Variants in NSD3 observed in about 807,000 individuals in gnomAD.
The protein encoded by NSD3 is nuclear receptor binding SET domain protein 3.
NSD3 carries 24 observed loss-of-function variants against 160.8 expected under a neutral mutation model. The observed-to-expected ratio is 0.15, with a 90% CI of 0.11 to 0.21. NSD3 has a LOEUF of 0.21. NSD3 is among the 10% of genes least tolerant of loss of function. The probability of loss-of-function intolerance (pLI) is 1.00; values close to 1 mark genes in which losing one functional copy is unlikely to be tolerated. For missense variants in NSD3, 1,157 were observed against 1,735.9 expected (o/e 0.67, Z 5.93); for synonymous variants, 520 against 600.0 (o/e 0.87, Z 1.95).
At chr8:38,325,770 T>A (rs1428280581) in intron 7 of NSD3, among the ~76,000 whole-genome samples, 1 of 151,570 alleles carries the variant, frequency 6.6e-6, no homozygotes, top group East Asian at 1.9e-4. Flanking sequence ...GGTGAGAGGA[T>A]CACCTGAGCC....
intron 16 of NSD3, among the ~76,000 whole-genome samples, chr8:38,292,988 A>T (rs1168205651): frequency 6.6e-6 from 1 of 150,668 alleles, no homozygotes; most frequent in South Asian, 2.1e-4. Flanking sequence ...AAATACAAAC[A>T]TTAGCCAGGC....
At chr8:38,332,825 T>A (rs1054902920) in intron 4 of NSD3, among the ~76,000 whole-genome samples, 1 of 152,072 alleles carries the variant, frequency 6.6e-6, no homozygotes, top group Non-Finnish European at 1.5e-5. Context: ...AAAAAACTGA[T>A]CTTTTGCGAA....
chr8:38,278,218 A>G lies in NSD3; in HGVS notation c.3867+88T>C, dbSNP rs181354352. ...CTCCCAAAGTGCTGGGATTACAGGC[A>G]TGAGCCACCGCGCCCGGCCAAACAG... On this transcript the variant is annotated intron_variant, in intron 22 of 23. Transcript: ENST00000317025. 2.0e-3 allele frequency: 2,341 copies of G among 1,182,444 alleles called. 22 individuals carry two copies. The highest frequency in any genetic ancestry group is 0.017 in the South Asian group (1,176 of 68,086). The allele number at this position is 1,182,444 out of a possible 1,614,324, so 73.2% of individuals were successfully genotyped here. A position where few individuals can be genotyped will look rare whatever the true frequency, so the allele number is the denominator to read the frequency against.
At chr8:38,361,600 A>AC (rs1162997513) in intron 1 of NSD3, among the ~76,000 whole-genome samples, 1 of 151,714 alleles carries the variant, frequency 6.6e-6, no homozygotes, top group Non-Finnish European at 1.5e-5. Flanking sequence ...CTAAAAATAC[A>AC]AAAAGTTAGC....
intron 5 of NSD3, among the ~76,000 whole-genome samples, 170 bp from the exon 6 acceptor site, chr8:38,330,063 T>G (rs1266165622): frequency 6.6e-6 from 1 of 152,226 alleles, no homozygotes; most frequent in African/African-American, 2.4e-5. Context: ...TAAAAAGATA[T>G]TCGATAACAT....
In NSD3 at chr8:38,289,445, G is replaced by A. The variant is rs768910935; in HGVS notation, c.3179C>T (p.Ala1060Val). ...ELKAQRESKE[A>V]LEIEKNSRKP... ...TCTTGAGTTTTTTTCAATCTCTAGG[G>A]CTTCTTTACTTTCTCTTTGTGCTTT... The change falls in exon 18 of 24, where the codon GCC (alanine) becomes GTC (valine). Residue 1060 changes from alanine to valine, a missense_variant. Transcript: ENST00000317025. The A allele has an allele frequency of 1.2e-6, 2 of 1,613,734 alleles. No individual in the cohort carries two copies. The highest frequency in any genetic ancestry group is 2.2e-5 in the East Asian group (1 of 44,862).
At position 38,318,707 on chromosome 8, in the gene NSD3, C is replaced by T. The variant is rs1443286138; in HGVS notation, c.1855+188G>A. Among the ~76,000 whole-genome samples the T allele has an allele frequency of 2.0e-5, 3 of 152,118 alleles. No homozygotes were observed. The highest frequency in any genetic ancestry group is 7.2e-5 in the African/African-American group (3 of 41,404). The stretch of plus-strand genomic sequence containing the variant: ...TTACCAAAACAAGTAAGACTTTTCA[C>T]GTGGAGGTACAGAATAAGATCAACT... On this transcript the variant is annotated intron_variant, in intron 9 of 23. Coordinates refer to ENST00000317025, the MANE Select transcript of NSD3 (RefSeq NM_023034.2). The surrounding 1 kb of genome is among the most constrained non-coding windows in gnomAD (Gnocchi z 5.3).
chr8:38,362,162 T>C lies in NSD3; in HGVS notation c.-44-13947A>G, dbSNP rs79596240. 4.4e-3 allele frequency among the ~76,000 whole-genome samples: 646 copies of C among 147,678 alleles called. 15 individuals are homozygous for C. Among genetic ancestry groups the C allele is most frequent in the East Asian group, 0.032 (163 of 5,044 alleles). On this transcript the variant is annotated intron_variant, in intron 1 of 23. Coordinates refer to ENST00000317025, the MANE Select transcript of NSD3 (RefSeq NM_023034.2). ...GACTGAAAGTTACAGGACATGAAAC[T>C]AGTTCATCCTTGAATTCCCAGAGCC... is the stretch of plus-strand genomic sequence containing the variant.
chr8:38,299,580 A>C lies in NSD3; in HGVS notation c.2622T>G (p.Val874=). ...FCFVCARGLI[V]QDHSDPMFSS... is the part of the protein sequence containing the mutation. ...TGAACATGGGGTCTGAATGGTCCTG[A>C]ACTATCAGCCCTATACGAAACAAAC... is the stretch of plus-strand genomic sequence containing the variant. The change falls in exon 15 of 24, where the codon GTT becomes GTG. Residue 874 remains valine, a synonymous_variant. Coordinates refer to ENST00000317025, the MANE Select transcript of NSD3 (RefSeq NM_023034.2). The C allele has an allele frequency of 6.2e-7, 1 of 1,602,696 alleles. No individual in the cohort carries two copies.
At position 38,294,797 on chromosome 8, in the gene NSD3, A is replaced by G. The variant is rs180933462; in HGVS notation, c.2915+999T>C. On this transcript the variant is annotated intron_variant, in intron 16 of 23. Coordinates refer to ENST00000317025, the MANE Select transcript of NSD3 (RefSeq NM_023034.2). ...GTTCGAGACCAGCCTGGGCAATATA[A>G]TGAGTCCCCATCTCACTATATTTAT... Among the ~76,000 whole-genome samples the G allele has an allele frequency of 1.7e-3, 263 of 151,272 alleles. 2 individuals carry two copies. Among genetic ancestry groups the G allele is most frequent in the African/African-American group, 6.0e-3 (247 of 41,224 alleles).
intron 19 of NSD3, among the ~76,000 whole-genome samples, chr8:38,282,734 C>A (rs1454328748): frequency 1.3e-5 from 2 of 152,132 alleles, no homozygotes; most frequent in Non-Finnish European, 2.9e-5. Context: ...AGTACAGAAC[C>A]TTTTGAGATT....
chr8:38,332,319 C>T (rs1810080865), intron 4 of NSD3, among the ~76,000 whole-genome samples: 1 of 151,466 alleles, frequency 6.6e-6, no homozygotes, highest in South Asian at 2.1e-4. Flanking sequence ...TTTCTTTAAA[C>T]TGAGATGGGG....
intron 17 of NSD3, among the ~76,000 whole-genome samples, chr8:38,289,918 A>T (rs1808959875): frequency 6.6e-6 from 1 of 152,186 alleles, no homozygotes; most frequent in Non-Finnish European, 1.5e-5. Context: ...TCACTTGATT[A>T]AAAAGACTAT....
chr8:38,370,538 C>T (rs1397943976), intron 1 of NSD3, among the ~76,000 whole-genome samples: 1 of 152,132 alleles, frequency 6.6e-6, no homozygotes, highest in African/African-American at 2.4e-5. Flanking sequence ...ATCATCTTCT[C>T]ATGAAGGACT....
At chr8:38,369,540 A>C (rs1367791153) in intron 1 of NSD3, among the ~76,000 whole-genome samples, 1 of 152,224 alleles carries the variant, frequency 6.6e-6, no homozygotes, top group African/African-American at 2.4e-5. Context: ...GTGACTAAAG[A>C]CTAGTTCATT....
At chr8:38,326,930 A>G in intron 6 of NSD3, 74 bp from the exon 7 acceptor site, 1 of 1,497,100 alleles carries the variant, frequency 6.7e-7, no homozygotes, top group South Asian at 1.3e-5. Context: ...GCTTATAAAG[A>G]TGGCTTAAAA....
chr8:38,275,993 T>C (rs1585846986), intron 23 of NSD3, 111 bp from the exon 24 acceptor site: 7 of 980,198 alleles, frequency 7.1e-6, no homozygotes, highest in East Asian at 2.6e-5. Context: ...TGGAATTCAA[T>C]TGAATACAAC....
At position 38,317,431 on chromosome 8, in the gene NSD3, G is replaced by A. The variant is rs1303164342; in HGVS notation, c.1856-1389C>T. ...AAGGAGTTTTAACAGAGGAACAGGA[G>A]TGCTGTACTGAGAGGCTTTCGAAGG... On this transcript the variant is annotated intron_variant, in intron 9 of 23. Coordinates refer to ENST00000317025, the MANE Select transcript of NSD3 (RefSeq NM_023034.2). The surrounding 1 kb of genome is among the most constrained non-coding windows in gnomAD (Gnocchi z 5.3). The A allele has an allele frequency of 8.5e-6, 9 of 1,056,020 alleles. No individual in the cohort carries two copies. Among genetic ancestry groups the A allele is most frequent in the East Asian group, 1.1e-4 (2 of 18,622 alleles). The allele number at this position is 1,056,020 out of a possible 1,614,324, so 65.4% of individuals were successfully genotyped here. A position where few individuals can be genotyped will look rare whatever the true frequency, so the allele number is the denominator to read the frequency against.
intron 18 of NSD3, among the ~76,000 whole-genome samples, chr8:38,289,192 C>G (rs1198934355): frequency 6.6e-6 from 1 of 152,180 alleles, no homozygotes; most frequent in African/African-American, 2.4e-5. Context: ...AACTATGGCT[C>G]CCATTTGATG....
Sources: allele counts gnomAD v4.1 joint callset (sites outside exome capture counted in the v4.1 genomes callset), GRCh38; gene constraint gnomAD v4.1.1; non-coding constraint Gnocchi (gnomAD v3.1); transcripts MANE v1.5; gene names NCBI Gene and HGNC (gene_info 2026-07-23, HGNC 2026-07-21).